The following NTMT2 variants were observed in gnomAD, a reference collection of about 807,000 sequenced individuals.
The protein encoded by NTMT2 is X-Pro-Lys N-terminal protein methyltransferase 1B.
A neutral mutation model predicts 23.4 loss-of-function variants in NTMT2; 21 were observed. The observed-to-expected ratio is 0.90, with a 90% CI of 0.64 to 1.29. The LOEUF (loss-of-function observed/expected upper bound fraction) is 1.29. Ranked by LOEUF, NTMT2 falls within the 50% of genes most tolerant of loss-of-function variation. NTMT2 has a pLI of 0.00. For synonymous variants in NTMT2, 131 were observed against 127.7 expected (o/e 1.03, Z -0.17); for missense variants, 336 against 352.0 (o/e 0.95, Z 0.36).
chr1:170,153,928 A>ATC (rs1673116898), intron 1 of NTMT2, among the ~76,000 whole-genome samples: 1 of 152,192 alleles, frequency 6.6e-6, no homozygotes, highest in Non-Finnish European at 1.5e-5. Context: ...CATTTCAGAG[A>ATC]TCTAAGAGAC....
At chr1:170,163,805 C>T (rs888963389) in intron 2 of NTMT2, among the ~76,000 whole-genome samples, 2 of 152,142 alleles carry the variant, frequency 1.3e-5, no homozygotes, top group African/African-American at 4.8e-5. Context: ...TATATGGATT[C>T]ATAAGTATAA....
At chr1:170,147,389 C>A (rs1011129540) in intron 1 of NTMT2, among the ~76,000 whole-genome samples, 1 of 151,134 alleles carries the variant, frequency 6.6e-6, no homozygotes, top group African/African-American at 2.4e-5. Flanking sequence ...TTTACTTTTT[C>A]AAAGGAGGGA....
Position 170,165,353 on chromosome 1 carries a change from T to TA in NTMT2, c.331-1142dup, listed in dbSNP as rs535692394. ...AGTTAATTTAATGCACAGACCTACT[T>TA]AAAAAAACAGTTTTAGAGTTTTATG... On this transcript the variant is annotated intron_variant, in intron 2 of 3. Transcript: ENST00000439373. Among the ~76,000 whole-genome samples the TA allele has an allele frequency of 7.2e-3, 1,090 of 152,212 alleles. 11 individuals carry two copies. Among genetic ancestry groups the TA allele is most frequent in the African/African-American group, 0.025 (1,048 of 41,530 alleles).
intron 1 of NTMT2, among the ~76,000 whole-genome samples, chr1:170,151,063 G>A (rs922286233): frequency 2.0e-5 from 3 of 152,096 alleles, no homozygotes; most frequent in Admixed American, 6.5e-5. Context: ...TAAAGGCTTA[G>A]CCCAACTTCA....
intron 1 of NTMT2, among the ~76,000 whole-genome samples, chr1:170,153,115 G>A (rs914440740): frequency 3.3e-5 from 5 of 152,156 alleles, no homozygotes; most frequent in African/African-American, 1.2e-4. Context: ...AGCTCCCTAA[G>A]GCCTCCCCAG....
intron 2 of NTMT2, 25 bp from the exon 3 acceptor site, chr1:170,166,477 G>C: frequency 6.4e-7 from 1 of 1,551,874 alleles, no homozygotes; most frequent in South Asian, 1.2e-5. Context: ...CTCTGTACTT[G>C]AAATATCAAG....
intron 2 of NTMT2, among the ~76,000 whole-genome samples, chr1:170,163,983 G>A (rs190680824): frequency 1.1e-4 from 16 of 152,222 alleles, no homozygotes; most frequent in African/African-American, 3.9e-4. Context: ...TCAGTGGTGT[G>A]TGATAGTGCA....
intron 1 of NTMT2, among the ~76,000 whole-genome samples, chr1:170,157,296 A>AG (rs940191850): frequency 9.9e-5 from 15 of 152,262 alleles, no homozygotes; most frequent in African/African-American, 2.2e-4. Context: ...ATAGCAAAAA[A>AG]GCTTCTATGT....
chr1:170,153,529 A>G (rs1557905711), intron 1 of NTMT2, among the ~76,000 whole-genome samples: 1 of 152,236 alleles, frequency 6.6e-6, no homozygotes, highest in African/African-American at 2.4e-5. Flanking sequence ...AGGTGGAGCA[A>G]AGATCACCCT....
intron 1 of NTMT2, among the ~76,000 whole-genome samples, chr1:170,157,146 A>G (rs1190953826): frequency 6.6e-6 from 1 of 152,094 alleles, no homozygotes; most frequent in African/African-American, 2.4e-5. Context: ...AGCACTTATT[A>G]AGTCACTTGC....
chr1:170,164,467 G>A (rs1673334558), intron 2 of NTMT2, among the ~76,000 whole-genome samples: 2 of 152,156 alleles, frequency 1.3e-5, no homozygotes, highest in African/African-American at 4.8e-5. Context: ...AATTTACTTA[G>A]AAGATGCTTC....
rs79176917 is a variant in NTMT2 at position 170,154,042 on chromosome 1, C to G, written c.155-6476C>G. ...AGCCTCAGAGCACTGTTCTCCATAT[C>G]CCACTCCAGCTCTAGCTGTGGCTCA... On this transcript the variant is annotated intron_variant, in intron 1 of 3. Coordinates refer to ENST00000439373, the MANE Select transcript of NTMT2 (RefSeq NM_001136107.2). Among the ~76,000 whole-genome samples the G allele has an allele frequency of 1.4e-3, 213 of 152,290 alleles. 2 individuals are homozygous for G. The East Asian group carries it at 0.029, about 21-fold the overall frequency.
chr1:170,167,167 G>T (rs796510830), intron 3 of NTMT2, among the ~76,000 whole-genome samples: 89 of 152,280 alleles, frequency 5.8e-4, no homozygotes, highest in African/African-American at 2.0e-3. Flanking sequence ...GTGTGTGTGA[G>T]ACACAAAGAA....
At chr1:170,167,450 C>A (rs569873347) in intron 3 of NTMT2, 36 bp from the exon 4 acceptor site, 46 of 1,508,206 alleles carry the variant, frequency 3.0e-5, no homozygotes, top group Non-Finnish European at 4.0e-5. Flanking sequence ...CCCACCATTT[C>A]TTCCTGTTCC....
At position 170,167,874 on chromosome 1, in the gene NTMT2, T is replaced by A. The variant is rs745838735; in HGVS notation, c.*117T>A. 7 of 1,070,258 alleles carry A rather than the reference T, an allele frequency of 6.5e-6. No homozygotes were observed. Among genetic ancestry groups the A allele is most frequent in the Non-Finnish European group, 9.2e-6 (7 of 760,850 alleles). 66.3% of individuals were successfully genotyped at this position (1,070,258 alleles called of 1,614,324 possible). A position where few individuals can be genotyped will look rare whatever the true frequency, so the allele number is the denominator to read the frequency against. On this transcript the variant is annotated 3_prime_UTR_variant, in exon 4 of 4. Coordinates refer to ENST00000439373, the MANE Select transcript of NTMT2 (RefSeq NM_001136107.2). ...ATGGCAAGAAAAGGGATACAACATATGTCTGCAAATTATTTGTGATATAAT... is the reference window on the plus strand; with the variant it reads ...ATGGCAAGAAAAGGGATACAACATAAGTCTGCAAATTATTTGTGATATAAT...
chr1:170,162,076 C>T (rs552703214), intron 2 of NTMT2, among the ~76,000 whole-genome samples: 52 of 152,196 alleles, frequency 3.4e-4, no homozygotes, highest in African/African-American at 1.2e-3. Flanking sequence ...GGTGGCACAG[C>T]GAGACTCCAT....
At chr1:170,155,573 C>T (rs998346676) in intron 1 of NTMT2, among the ~76,000 whole-genome samples, 21 of 151,862 alleles carry the variant, frequency 1.4e-4, no homozygotes, top group Admixed American at 6.6e-5. Context: ...TATTATCAGA[C>T]TCAACTCATT....
At chr1:170,150,392 G>C (rs909153543) in intron 1 of NTMT2, among the ~76,000 whole-genome samples, 2 of 152,186 alleles carry the variant, frequency 1.3e-5, no homozygotes. Context: ...TGTTCTCAGT[G>C]TTTTGCATAT....
intron 1 of NTMT2, among the ~76,000 whole-genome samples, chr1:170,147,709 T>A (rs556501558): frequency 6.6e-6 from 1 of 152,290 alleles, no homozygotes; most frequent in African/African-American, 2.4e-5. Flanking sequence ...TTACAACAGC[T>A]GAGAAGAGAG....
Sources: allele counts gnomAD v4.1 joint callset (sites outside exome capture counted in the v4.1 genomes callset), GRCh38; gene constraint gnomAD v4.1.1; transcripts MANE v1.5; gene names NCBI Gene and HGNC (gene_info 2026-07-23, HGNC 2026-07-21).